Variants in NALF1 observed in about 807,000 individuals in gnomAD.
NALF1 encodes the protein NALCN channel auxiliary factor 1, also known as family with sequence similarity 155 member A.
In NALF1, 3 loss-of-function variants were observed where a neutral mutation model predicts 48.4. The ratio of observed to expected loss-of-function variants is 0.06; its 90% CI spans 0.03 to 0.16. The LOEUF is 0.16. Ranked by LOEUF, NALF1 falls within the 10% of genes least tolerant of loss-of-function variation. The pLI is 1.00. For missense variants in NALF1, 526 were observed against 571.5 expected, an observed-to-expected ratio of 0.92 and a Z score of 0.81; for synonymous variants, 262 against 245.7, an observed-to-expected ratio of 1.07 and a Z score of -0.62.
In NALF1 at chr13:107,166,908, A is replaced by C. The variant is rs901543659; in HGVS notation, c.*3589T>G. Reference sequence around the variant, plus strand: ...CAATTTATTGGTAAGAAACCAAATTACTTTTTGTAATGATGCCATTTAAAA... The same window carrying C: ...CAATTTATTGGTAAGAAACCAAATTCCTTTTTGTAATGATGCCATTTAAAA... On this transcript the variant is annotated 3_prime_UTR_variant, in exon 3 of 3. Coordinates refer to ENST00000375915, the MANE Select transcript of NALF1 (RefSeq NM_001080396.3). 2 of 152,174 alleles carry C rather than the reference A, an allele frequency of 1.3e-5. No individual in the cohort carries two copies. Among genetic ancestry groups the C allele is most frequent in the African/African-American group, 4.8e-5 (2 of 41,434 alleles). 9.4% of individuals were successfully genotyped at this position (152,174 alleles called of 1,614,324 possible). A position where few individuals can be genotyped will look rare whatever the true frequency, so the allele number is the denominator to read the frequency against.
intron 1 of NALF1, among the ~76,000 whole-genome samples, chr13:107,831,554 A>T (rs894702653): frequency 1.3e-5 from 2 of 152,302 alleles, no homozygotes; most frequent in East Asian, 3.9e-4. Flanking sequence ...CATGTTCTAA[A>T]ATTACTGAGT....
At chr13:107,240,724 G>T (rs185307233) in intron 1 of NALF1, among the ~76,000 whole-genome samples, 293 of 152,052 alleles carry the variant, frequency 1.9e-3, no homozygotes, top group Non-Finnish European at 1.9e-3. Flanking sequence ...AGATTTTTTG[G>T]TCAGTATGTT....
At chr13:107,209,456 G>A (rs1159179649) in intron 2 of NALF1, among the ~76,000 whole-genome samples, 1 of 149,832 alleles carries the variant, frequency 6.7e-6, no homozygotes, top group Non-Finnish European at 1.5e-5. Flanking sequence ...AAAGTGAGCC[G>A]AGATCACACC....
intron 1 of NALF1, among the ~76,000 whole-genome samples, chr13:107,273,197 GAACA>G (rs1566471194): frequency 1.3e-5 from 2 of 152,196 alleles, no homozygotes; most frequent in Admixed American, 6.5e-5. Context: ...AGAAGAATCT[GAACA>G]AACAAACAGA....
chr13:107,612,399 G>A (rs886603871), intron 1 of NALF1, among the ~76,000 whole-genome samples: 8 of 151,954 alleles, frequency 5.3e-5, no homozygotes, highest in Admixed American at 4.6e-4. Flanking sequence ...AAATGTGATT[G>A]GGGGTGTGAT....
At chr13:107,584,206 T>C (rs1335153311) in intron 1 of NALF1, among the ~76,000 whole-genome samples, 1 of 152,174 alleles carries the variant, frequency 6.6e-6, no homozygotes, top group Non-Finnish European at 1.5e-5. Flanking sequence ...ATTGGTCAAA[T>C]AATCATCTGT....
At chr13:107,586,944 A>G (rs1055677615) in intron 1 of NALF1, among the ~76,000 whole-genome samples, 2 of 152,132 alleles carry the variant, frequency 1.3e-5, no homozygotes, top group African/African-American at 4.8e-5. Context: ...AAACTTATAT[A>G]GAGCCATGCA....
intron 1 of NALF1, among the ~76,000 whole-genome samples, chr13:107,454,960 G>A (rs539547042): frequency 9.2e-5 from 14 of 152,084 alleles, no homozygotes; most frequent in Non-Finnish European, 1.6e-4. Context: ...GATATGGTTC[G>A]ACTTTGTGTC....
Position 107,806,263 on chromosome 13 carries a change from T to A in NALF1, c.915+59419A>T, listed in dbSNP as rs549993766. On this transcript the variant is annotated intron_variant, in intron 1 of 2. Coordinates refer to ENST00000375915, the MANE Select transcript of NALF1 (RefSeq NM_001080396.3). ...TCAGGTAATTTAATGTAGTCACTAC[T>A]GATGTGGCTTAAATATTGACCTTTT... Among the ~76,000 whole-genome samples, 22 of 152,322 alleles carry A rather than the reference T, an allele frequency of 1.4e-4. No individual in the cohort carries two copies. The East Asian group carries it at 3.7e-3, about 25-fold the overall frequency.
intron 1 of NALF1, among the ~76,000 whole-genome samples, chr13:107,507,073 T>C (rs1875718636): frequency 6.6e-6 from 1 of 152,164 alleles, no homozygotes; most frequent in Non-Finnish European, 1.5e-5. Flanking sequence ...TTTAATTGAA[T>C]AGTTGGTTCT....
At chr13:107,448,703 A>C (rs1195747262) in intron 1 of NALF1, among the ~76,000 whole-genome samples, 1 of 152,194 alleles carries the variant, frequency 6.6e-6, no homozygotes, top group Non-Finnish European at 1.5e-5. Context: ...TTAGTACTAC[A>C]TCACGCACCC....
At chr13:107,531,017 C>CATAT (rs3072957) in intron 1 of NALF1, among the ~76,000 whole-genome samples, 4 of 150,544 alleles carry the variant, frequency 2.7e-5, no homozygotes, top group African/African-American at 7.3e-5. Context: ...TTGTCATTCA[C>CATAT]ATATATATAT....
chr13:107,176,316 G>GTT (rs5806633), intron 2 of NALF1, among the ~76,000 whole-genome samples: 210 of 123,514 alleles, frequency 1.7e-3, no homozygotes, highest in Non-Finnish European at 2.4e-3. Context: ...CAACCTCACA[G>GTT]TTTTTTTTTT....
intron 2 of NALF1, among the ~76,000 whole-genome samples, chr13:107,175,032 C>T (rs1413243177): frequency 8.9e-6 from 1 of 112,820 alleles, no homozygotes; most frequent in Non-Finnish European, 1.9e-5. Flanking sequence ...TACAGGCGCC[C>T]GCCACGACGC....
At position 107,276,374 on chromosome 13, in the gene NALF1, T is replaced by C. The variant is rs141790110; in HGVS notation, c.916-65619A>G. 7.9e-5 allele frequency among the ~76,000 whole-genome samples: 12 copies of C among 152,322 alleles called. No homozygotes were observed. In the East Asian group the frequency reaches 2.1e-3, roughly 27 times the overall value. ...TAGCTATTAAACACATAACCTCATC[T>C]CTTCCTGAGGTTGTTCCTTTCTTCC... is the stretch of plus-strand genomic sequence containing the variant. On this transcript the variant is annotated intron_variant, in intron 1 of 2. Transcript: ENST00000375915.
intron 1 of NALF1, among the ~76,000 whole-genome samples, chr13:107,695,786 A>G (rs1242383142): frequency 3.3e-5 from 5 of 152,244 alleles, no homozygotes; most frequent in Admixed American, 3.3e-4. Flanking sequence ...CCTTTATCAA[A>G]AGCATAAATA....
chr13:107,854,480 T>C (rs549011764), intron 1 of NALF1, among the ~76,000 whole-genome samples: 27 of 152,356 alleles, frequency 1.8e-4, no homozygotes, highest in African/African-American at 6.0e-4. Context: ...AAGATTCACA[T>C]TGACCTTTTT....
intron 1 of NALF1, among the ~76,000 whole-genome samples, chr13:107,743,438 G>C (rs1408053076): frequency 6.6e-6 from 1 of 152,226 alleles, no homozygotes; most frequent in African/African-American, 2.4e-5. Flanking sequence ...GGCCATAGCA[G>C]AGAATACTGT....
intron 1 of NALF1, among the ~76,000 whole-genome samples, chr13:107,310,998 T>A (rs1379271036): frequency 2.6e-5 from 4 of 152,144 alleles, no homozygotes; most frequent in Non-Finnish European, 4.4e-5. Flanking sequence ...GTGAAAAGAC[T>A]AGTGATAAAT....
Sources: gnomAD v4.1 joint callset for allele counts (sites outside exome capture counted in the v4.1 genomes callset) on GRCh38, gnomAD v4.1.1 for gene constraint, MANE v1.5 for transcripts, NCBI Gene and HGNC (gene_info 2026-07-23, HGNC 2026-07-21) for gene names.